AFF2: variants seen among roughly 807,000 people sequenced by gnomAD.
AFF2 encodes the protein AF4/FMR2 family member 2.
AFF2 carries 14 observed loss-of-function variants against 76.9 expected under a neutral mutation model. The ratio of observed to expected loss-of-function variants is 0.18; its 90% CI spans 0.12 to 0.28. AFF2 has a LOEUF of 0.28. Among genes scored for constraint, AFF2 ranks in the 10% least tolerant of loss-of-function variants. The pLI, the probability that AFF2 is intolerant of heterozygous loss-of-function variation, is 1.00. For missense variants in AFF2, 868 were observed against 1,001.1 expected (o/e 0.87, Z 1.79); for synonymous variants, 398 against 366.7 (o/e 1.09, Z -0.98).
intron 3 of AFF2, among the ~76,000 whole-genome samples, chrX:148,679,809 C>A (rs1270524041): frequency 1.8e-5 from 2 of 111,658 alleles, no homozygotes; most frequent in African/African-American, 6.5e-5. Flanking sequence ...ACAGCACAGG[C>A]CACTTTTTCT....
intron 1 of AFF2, among the ~76,000 whole-genome samples, chrX:148,579,277 G>T (rs1185086125): frequency 9.0e-6 from 1 of 111,588 alleles, no homozygotes; most frequent in African/African-American, 3.3e-5. Context: ...TGGCTGAAAT[G>T]GTTGAATATA....
chrX:148,963,862 G>C lies in AFF2; in HGVS notation c.2913+925G>C, dbSNP rs149932535. Among the ~76,000 whole-genome samples, 5 of 111,432 alleles carry C rather than the reference G, an allele frequency of 4.5e-5. No homozygotes were observed. The Admixed American group carries it at 4.8e-4, about 11-fold the overall frequency. ...CGAAGCTGGCTTACAAGTTTTTTAC[G>C]GCTCTGTTTCCTTTAAAATGTTTGG... On this transcript the variant is annotated intron_variant, in intron 13 of 20. Transcript: ENST00000370460.
At chrX:148,926,430 T>C (rs1557283781) in intron 9 of AFF2, among the ~76,000 whole-genome samples, 3 of 111,887 alleles carry the variant, frequency 2.7e-5, no homozygotes, top group Non-Finnish European at 5.6e-5. Flanking sequence ...TCACACTGGT[T>C]GCATGAGCTC....
intron 3 of AFF2, among the ~76,000 whole-genome samples, chrX:148,702,020 T>G (rs1290686551): frequency 3.6e-5 from 4 of 112,352 alleles, no homozygotes; most frequent in African/African-American, 1.3e-4. Flanking sequence ...GACATTTATA[T>G]TTTTAGGTTT....
intron 7 of AFF2, among the ~76,000 whole-genome samples, chrX:148,852,552 G>T (rs1411007474): frequency 9.0e-6 from 1 of 110,660 alleles, no homozygotes; most frequent in Non-Finnish European, 1.9e-5. Flanking sequence ...GGTCATTCTA[G>T]GTTTCTCCAA....
chrX:148,667,304 G>C (rs1202042378), intron 3 of AFF2, among the ~76,000 whole-genome samples: 1 of 112,174 alleles, frequency 8.9e-6, no homozygotes, highest in East Asian at 2.8e-4. Context: ...TTGTGAGTTA[G>C]ATAGTAAACT....
intron 3 of AFF2, among the ~76,000 whole-genome samples, chrX:148,696,112 G>A (rs2054719210): frequency 8.9e-6 from 1 of 111,908 alleles, no homozygotes; most frequent in Admixed American, 9.5e-5. Flanking sequence ...GTATAATGTT[G>A]CCATTAGAAC....
chrX:148,707,634 T>C (rs1335088105), intron 3 of AFF2, among the ~76,000 whole-genome samples: 1 of 110,756 alleles, frequency 9.0e-6, no homozygotes, highest in Non-Finnish European at 1.9e-5. Flanking sequence ...GCAGGTGTTA[T>C]CATCATCCCA....
rs1366834991 is a variant in AFF2 at position 148,621,291 on chromosome X, T to A, written c.48-30708T>A. The stretch of plus-strand genomic sequence containing the variant: ...AAGCATTTTGTTTTAATGTGTATAA[T>A]ATATATATTCATTTTCTAATTTTTG... On this transcript the variant is annotated intron_variant, in intron 1 of 20. Transcript: ENST00000370460. Among the ~76,000 whole-genome samples, 3 of 111,872 alleles carry A rather than the reference T, an allele frequency of 2.7e-5. No homozygotes were observed. The South Asian group carries it at 1.1e-3, about 41-fold the overall frequency.
intron 3 of AFF2, among the ~76,000 whole-genome samples, chrX:148,753,925 T>A (rs2055531422): frequency 9.0e-6 from 1 of 111,496 alleles, no homozygotes; most frequent in Admixed American, 9.6e-5. Context: ...CTCTCAATCT[T>A]ACTACGTATG....
chrX:148,633,459 A>G (rs1186697850), intron 1 of AFF2, among the ~76,000 whole-genome samples: 10 of 112,387 alleles, frequency 8.9e-5, no homozygotes, highest in Non-Finnish European at 1.5e-4. Flanking sequence ...GCACACACAC[A>G]CACGCATACA....
intron 19 of AFF2, among the ~76,000 whole-genome samples, 199 bp downstream of exon 19, chrX:148,980,989 T>A (rs1486594031): frequency 1.8e-5 from 2 of 112,046 alleles, no homozygotes; most frequent in South Asian, 3.7e-4. Context: ...TTTAACTATT[T>A]GATCTTTAAG....
intron 15 of AFF2, among the ~76,000 whole-genome samples, chrX:148,971,747 C>CTTTTTTTTTTTTTTTTTTAATT (rs2072257160): frequency 2.2e-5 from 1 of 44,731 alleles, no homozygotes; most frequent in Non-Finnish European, 3.8e-5. Flanking sequence ...TTTTCTATTT[C>CTTTTTTTTTTTTTTTTTTAATT]TTTTTTTTTT....
chrX:148,752,808 A>T (rs1363046409), intron 3 of AFF2, among the ~76,000 whole-genome samples: 4 of 111,981 alleles, frequency 3.6e-5, no homozygotes, highest in African/African-American at 1.3e-4. Context: ...CTTTTTCGTT[A>T]TACTATTTTA....
intron 3 of AFF2, among the ~76,000 whole-genome samples, chrX:148,724,835 A>G (rs2055137517): frequency 8.9e-6 from 1 of 112,645 alleles, no homozygotes; most frequent in South Asian, 3.6e-4. Context: ...TGGAATAGCA[A>G]TAGGGAGGAC....
chrX:148,982,324 G>T (rs1462686497), intron 19 of AFF2, among the ~76,000 whole-genome samples: 1 of 111,856 alleles, frequency 8.9e-6, no homozygotes, highest in East Asian at 2.8e-4. Flanking sequence ...CGTTCATTCA[G>T]CAAATGCTTT....
chrX:148,955,562 A>C (rs1013040534), intron 10 of AFF2, 41 bp from the exon 11 acceptor site: 57 of 1,169,341 alleles, frequency 4.9e-5, no homozygotes, highest in Non-Finnish European at 6.5e-5. Flanking sequence ...AATCCTTCCC[A>C]AGTGTAAAAA....
chrX:148,824,160 A>G (rs1235714789), intron 4 of AFF2, among the ~76,000 whole-genome samples: 1 of 109,614 alleles, frequency 9.1e-6, no homozygotes, highest in Non-Finnish European at 1.9e-5. Context: ...TGCATCATTA[A>G]AGGAAGTACC....
At chrX:148,638,386 A>C (rs2054053665) in intron 1 of AFF2, among the ~76,000 whole-genome samples, 1 of 110,558 alleles carries the variant, frequency 9.0e-6, no homozygotes, top group Non-Finnish European at 1.9e-5. Flanking sequence ...GAACTGCCAC[A>C]CTTGAAAACC....
Sources: gnomAD v4.1 joint callset for allele counts (sites outside exome capture counted in the v4.1 genomes callset) on GRCh38, gnomAD v4.1.1 for gene constraint, MANE v1.5 for transcripts, NCBI Gene and HGNC (gene_info 2026-07-23, HGNC 2026-07-21) for gene names.